Variants in LRRIQ4 observed in about 807,000 individuals in gnomAD.
LRRIQ4 encodes leucine-rich repeat and IQ domain-containing protein 4.
LRRIQ4 carries 21 observed loss-of-function variants against 40.1 expected under a neutral mutation model. The observed-to-expected ratio is 0.52, with a 90% confidence interval of 0.37 to 0.75. The LOEUF is 0.75. Among genes scored for constraint, LRRIQ4 ranks in the 30% least tolerant of loss-of-function variants. LRRIQ4 has a pLI of 0.00. For missense variants in LRRIQ4, 655 were observed against 660.0 expected, an observed-to-expected ratio of 0.99 and a Z score of 0.08; for synonymous variants, 277 against 277.1, an observed-to-expected ratio of 1.00 and a Z score of 0.00.
chr3:169,814,459 G>C (rs936790024), intron 1 of LRRIQ4, among the ~76,000 whole-genome samples: 1 of 151,744 alleles, frequency 6.6e-6, no homozygotes, highest in Admixed American at 6.6e-5. Flanking sequence ...GCTTGTGTCT[G>C]TGCCTACTAG....
At chr3:169,823,851 T>C (rs975345641) in intron 2 of LRRIQ4, among the ~76,000 whole-genome samples, 1 of 152,166 alleles carries the variant, frequency 6.6e-6, no homozygotes, top group Non-Finnish European at 1.5e-5. Context: ...CATGAAATTA[T>C]GGGAGACAAT....
chr3:169,828,873 A>T lies in LRRIQ4; in HGVS notation c.1135A>T (p.Ile379Phe). The T allele has an allele frequency of 1.2e-6, 2 of 1,613,844 alleles. No homozygotes were observed. The highest frequency in any genetic ancestry group is 1.7e-5 in the Admixed American group (1 of 59,978). The stretch of plus-strand genomic sequence containing the variant: ...TTTAGCGTCTTTAGAGAAATTATAC[A>T]TTGGGCAAGACCAGGGATTCAAACT... ...LSLASLEKLY[I>F]GQDQGFKLTY... The change falls in exon 3 of 6, where the codon ATT becomes TTT. Residue 379 changes from isoleucine to phenylalanine, a missense_variant. Ile to Phe is a conservative substitution (Grantham distance 21, BLOSUM62 0). Transcript: ENST00000340806.
chr3:169,829,816 G>C (rs1019614014), intron 3 of LRRIQ4, among the ~76,000 whole-genome samples: 1 of 152,168 alleles, frequency 6.6e-6, no homozygotes, highest in African/African-American at 2.4e-5. Flanking sequence ...CACTCTTAAT[G>C]ATGATAAAGT....
At chr3:169,827,325 T>C (rs1056053669) in intron 2 of LRRIQ4, among the ~76,000 whole-genome samples, 1 of 152,084 alleles carries the variant, frequency 6.6e-6, no homozygotes, top group African/African-American at 2.4e-5. Context: ...TGAGATTTTT[T>C]CGCCGGGTGC....
At position 169,822,137 on chromosome 3, in the gene LRRIQ4, C is replaced by T. The variant is rs1560610300; in HGVS notation, c.216C>T (p.Asn72=). ...CCCAGGAGATTCAGCGTTTAAAGAACATCAGGGTCCTCTACCTGGATAAGA... is the reference window on the plus strand; with the variant it reads ...CCCAGGAGATTCAGCGTTTAAAGAATATCAGGGTCCTCTACCTGGATAAGA... ...EIPQEIQRLK[N]IRVLYLDKNN... Residue 72 remains asparagine (N), a synonymous_variant, in exon 2 of 6, where the codon AAC becomes AAT. Coordinates refer to ENST00000340806, the MANE Select transcript of LRRIQ4 (RefSeq NM_001080460.3). 20 of 1,613,026 alleles carry T rather than the reference C, an allele frequency of 1.2e-5. No individual in the cohort carries two copies. The highest frequency in any genetic ancestry group is 3.3e-5 in the South Asian group (3 of 90,800).
In LRRIQ4 at chr3:169,833,127, G is replaced by A; in HGVS notation, c.1474G>A (p.Glu492Lys). 6.2e-7 allele frequency: 1 copy of A among 1,613,992 alleles called. No homozygotes were observed. The highest frequency in any genetic ancestry group is 8.5e-7 in the Non-Finnish European group (1 of 1,179,888). ...AAAAGAAGTGTGTGCTGAAGGCAAT[G>A]AGGCCATATGGAAATACCTCAAGGA... Reference protein sequence around the residue: ...PPKEVCAEGNEAIWKYLKENR... With the variant: ...PPKEVCAEGNKAIWKYLKENR... Residue 492 changes from glutamate (E) to lysine (K), a missense_variant, in exon 5 of 6, where the codon GAG becomes AAG. By Grantham distance (56) the Glu-to-Lys change is moderately conservative (BLOSUM62 1). Transcript: ENST00000340806.
chr3:169,829,178 TGTTTC>T (rs895499696), intron 3 of LRRIQ4, among the ~76,000 whole-genome samples: 2 of 152,232 alleles, frequency 1.3e-5, no homozygotes, highest in Admixed American at 1.3e-4. Flanking sequence ...TGATTTGGTG[TGTTTC>T]ATTTGCAGAA....
intron 1 of LRRIQ4, among the ~76,000 whole-genome samples, chr3:169,819,141 G>A (rs2108264457): frequency 6.6e-6 from 1 of 152,318 alleles, no homozygotes; most frequent in South Asian, 2.1e-4. Flanking sequence ...TCACATTTGT[G>A]TAGCAATCCC....
chr3:169,813,298 A>C (rs1446403195), intron 1 of LRRIQ4, among the ~76,000 whole-genome samples: 2 of 152,326 alleles, frequency 1.3e-5, no homozygotes, highest in East Asian at 3.9e-4. Context: ...AAATGTGACT[A>C]CTTGCAGGAA....
intron 1 of LRRIQ4, among the ~76,000 whole-genome samples, chr3:169,819,355 C>G (rs1779827535): frequency 1.3e-5 from 2 of 152,110 alleles, no homozygotes; most frequent in Admixed American, 1.3e-4. Context: ...ATAACATACA[C>G]ACACAATCAG....
At chr3:169,826,856 G>A (rs1046066936) in intron 2 of LRRIQ4, among the ~76,000 whole-genome samples, 4 of 152,028 alleles carry the variant, frequency 2.6e-5, no homozygotes, top group African/African-American at 4.8e-5. Context: ...AAAATAAATA[G>A]GTAAATAAAT....
intron 1 of LRRIQ4, among the ~76,000 whole-genome samples, chr3:169,821,484 AT>A (rs59421827): frequency 0.27 from 40,917 of 151,874 alleles, 6,085 homozygotes; most frequent in East Asian, 0.64. Context: ...TTACAAAAAA[AT>A]TTAGCTGGGC....
chr3:169,820,018 A>G (rs1344107362), intron 1 of LRRIQ4, among the ~76,000 whole-genome samples: 1 of 152,228 alleles, frequency 6.6e-6, no homozygotes, highest in East Asian at 1.9e-4. Flanking sequence ...TTTTGAGTCC[A>G]GGCATAAAGC....
intron 5 of LRRIQ4, among the ~76,000 whole-genome samples, chr3:169,836,932 G>A (rs1366953960): frequency 1.3e-5 from 2 of 152,138 alleles, no homozygotes. Flanking sequence ...AGCCATATAA[G>A]GACTTTGGCT....
chr3:169,824,562 G>T (rs1779997532), intron 2 of LRRIQ4, among the ~76,000 whole-genome samples: 1 of 151,790 alleles, frequency 6.6e-6, no homozygotes, highest in Admixed American at 6.6e-5. Flanking sequence ...ACCCAGGCTG[G>T]AGTGCAGTGG....
intron 4 of LRRIQ4, among the ~76,000 whole-genome samples, chr3:169,832,506 C>A (rs1225801701): frequency 6.6e-6 from 1 of 150,852 alleles, no homozygotes; most frequent in Non-Finnish European, 1.5e-5. Context: ...GTGGCGTGCA[C>A]CTGAAATCCC....
Position 169,832,631 on chromosome 3 carries a change from C to CAAA in LRRIQ4, c.1334-335_1334-333dup, listed in dbSNP as rs3047516. On this transcript the variant is annotated intron_variant, in intron 4 of 5. Transcript: ENST00000340806. ...TGGGCAACAAAGTGAGACTCTGTCT[C>CAAA]AAAAAAAAAAAAAAAAAAAAAAATC... 6.7e-3 allele frequency among the ~76,000 whole-genome samples: 450 copies of CAAA among 67,174 alleles called. 15 individuals carry two copies. The highest frequency in any genetic ancestry group is 0.058 in the East Asian group (138 of 2,388). 44.1% of individuals were successfully genotyped at this position (67,174 alleles called of 152,430 possible). A position where few individuals can be genotyped will look rare whatever the true frequency, so the allele number is the denominator to read the frequency against.
At chr3:169,828,733 A>G in intron 2 of LRRIQ4, 26 bp from the exon 3 acceptor site, 1 of 1,598,238 alleles carries the variant, frequency 6.3e-7, no homozygotes. Flanking sequence ...CTTGACCTGA[A>G]ACTTATCTTT....
chr3:169,827,298 G>A (rs1240792661), intron 2 of LRRIQ4, among the ~76,000 whole-genome samples: 9 of 152,220 alleles, frequency 5.9e-5, no homozygotes, highest in Admixed American at 2.0e-4. Context: ...TAGGGTGATT[G>A]TCACATATTT....
Sources: allele counts gnomAD v4.1 joint callset (sites outside exome capture counted in the v4.1 genomes callset), GRCh38; gene constraint gnomAD v4.1.1; transcripts MANE v1.5; gene names NCBI Gene and HGNC (gene_info 2026-07-23, HGNC 2026-07-21).